Variants in RINT1 observed in about 807,000 individuals in gnomAD.
RINT1 encodes RAD50-interacting protein 1.
In RINT1, 75 loss-of-function variants were observed where a neutral mutation model predicts 97.7. The ratio of observed to expected loss-of-function variants is 0.77; its 90% CI spans 0.64 to 0.93. The LOEUF is 0.93. RINT1 is among the 40% of genes least tolerant of loss of function. The probability of loss-of-function intolerance (pLI) is 0.00; values close to 1 mark genes in which losing one functional copy is unlikely to be tolerated. For synonymous variants in RINT1, 303 were observed against 326.3 expected, an observed-to-expected ratio of 0.93 and a Z score of 0.77; for missense variants, 892 against 925.2, an observed-to-expected ratio of 0.96 and a Z score of 0.47.
At chr7:105,555,411 T>A in intron 11 of RINT1, 184 bp downstream of exon 11, 1 of 474,518 alleles carries the variant, frequency 2.1e-6, no homozygotes, top group Non-Finnish European at 3.7e-6. Context: ...AGTTAAATAG[T>A]CCTGATATTT....
intron 6 of RINT1, 94 bp downstream of exon 6, chr7:105,547,427 A>G (rs1790716364): frequency 1.2e-5 from 15 of 1,251,570 alleles, no homozygotes; most frequent in Non-Finnish European, 1.7e-5. Flanking sequence ...TGGCCAAGAA[A>G]GCCAAATAAG....
At chr7:105,565,218 TA>T in intron 12 of RINT1, 58 bp from the exon 13 acceptor site, 2 of 1,499,718 alleles carry the variant, frequency 1.3e-6, no homozygotes, top group South Asian at 2.5e-5. Context: ...TAAAATGATT[TA>T]AAAACTTGAA....
At chr7:105,544,033 G>A (rs1790563435) in intron 4 of RINT1, among the ~76,000 whole-genome samples, 1 of 151,938 alleles carries the variant, frequency 6.6e-6, no homozygotes, top group Admixed American at 6.6e-5. Context: ...TCGGGAGGCA[G>A]AGGTTGCAGT....
At position 105,552,698 on chromosome 7, in the gene RINT1, G is replaced by T. The variant is rs1790985402; in HGVS notation, c.1471+991G>T. 1.9e-5 allele frequency among the ~76,000 whole-genome samples: 2 copies of T among 103,528 alleles called. 1 individual carries two copies. The highest frequency in any genetic ancestry group is 6.6e-4 in the South Asian group (2 of 3,042). The allele number at this position is 103,528 out of a possible 152,430, so 67.9% of individuals were successfully genotyped here. A position where few individuals can be genotyped will look rare whatever the true frequency, so the allele number is the denominator to read the frequency against. ...TTTTTTTTTTTTTTTTTTTGAGATG[G>T]AGTCTCACTCTGTCACCCAGGCTGG... On this transcript the variant is annotated intron_variant, in intron 10 of 14. Coordinates refer to ENST00000257700, the MANE Select transcript of RINT1 (RefSeq NM_021930.6).
chr7:105,535,887 C>T (rs544273174), intron 2 of RINT1, among the ~76,000 whole-genome samples: 1 of 152,260 alleles, frequency 6.6e-6, no homozygotes, highest in South Asian at 2.1e-4. Flanking sequence ...TTGCCCTAGA[C>T]CATACTACTG....
intron 7 of RINT1, among the ~76,000 whole-genome samples, chr7:105,549,370 C>T (rs1455631495): frequency 2.0e-5 from 3 of 149,008 alleles, no homozygotes; most frequent in South Asian, 4.3e-4. Context: ...TTTTTTGGAA[C>T]GAAGTTTCAC....
Position 105,542,621 on chromosome 7 carries a change from A to G in RINT1, c.487A>G (p.Lys163Glu), listed in dbSNP as rs1370547057. The G allele has an allele frequency of 4.3e-6, 7 of 1,612,634 alleles. No individual in the cohort carries two copies. In the Middle Eastern group the frequency reaches 5.0e-4, roughly 114 times the overall value. The stretch of plus-strand genomic sequence containing the variant: ...GATCGAACGTCATCTTGCTTACCTT[A>G]AATGGATTTCACAAATTGAAGAACT... ...EEIERHLAYL[K>E]WISQIEELSD... Residue 163 changes from lysine (K) to glutamate (E), a missense_variant, in exon 4 of 15, where the codon AAA (lysine) becomes GAA (glutamate). Transcript: ENST00000257700.
rs748950664 is a variant in RINT1 at position 105,536,769 on chromosome 7, GA to G, written c.273+23del. On this transcript the variant is annotated intron_variant, in intron 3 of 14. Transcript: ENST00000257700. ...GAACAGGTAAGTATTGAAACTCACTGAAATAATTATCAGTGGAATACTTTTA... is the reference window on the plus strand; with the variant it reads ...GAACAGGTAAGTATTGAAACTCACTGAATAATTATCAGTGGAATACTTTTA... The G allele has an allele frequency of 1.4e-6, 2 of 1,453,404 alleles. No individual in the cohort carries two copies. The highest frequency in any genetic ancestry group is 1.9e-6 in the Non-Finnish European group (2 of 1,073,558). 90.0% of individuals were successfully genotyped at this position (1,453,404 alleles called of 1,614,324 possible).
At position 105,551,275 on chromosome 7, in the gene RINT1, C is replaced by T. The variant is rs78788117; in HGVS notation, c.1334-295C>T. Among the ~76,000 whole-genome samples the T allele has an allele frequency of 9.4e-3, 1,431 of 152,228 alleles. 15 individuals carry two copies. Among genetic ancestry groups the T allele is most frequent in the African/African-American group, 0.033 (1,376 of 41,524 alleles). On this transcript the variant is annotated intron_variant, in intron 9 of 14. Coordinates refer to ENST00000257700, the MANE Select transcript of RINT1 (RefSeq NM_021930.6). The stretch of plus-strand genomic sequence containing the variant: ...TGTGAACTCCTAGACTCAAGCAATC[C>T]ACCCACCTTGGCCTCCTGGAGTGCT...
In RINT1 at chr7:105,536,719, G is replaced by A; in HGVS notation, c.243G>A (p.Arg81=). Residue 81 remains arginine, a synonymous_variant, in exon 3 of 15, where the codon AGG becomes AGA. Transcript: ENST00000257700. ...AACTTGATAAACTCATAGAACAGAG[G>A]ACAGTAAGTAAAATGCAGTTAGAAG... ...LKKLDKLIEQ[R]TVSKMQLEEQ... 1 of 1,601,634 alleles carries A rather than the reference G, an allele frequency of 6.2e-7. No individual in the cohort carries two copies. The highest frequency in any genetic ancestry group is 8.5e-7 in the Non-Finnish European group (1 of 1,175,518).
Position 105,560,060 on chromosome 7 carries a change from C to T in RINT1, c.1672-3673C>T, listed in dbSNP as rs186083486. The stretch of plus-strand genomic sequence containing the variant: ...GAGATATGGGAGGTGAGGATTTTAA[C>T]TTTCTAAAAGGATTAGGCATGGCTG... On this transcript the variant is annotated intron_variant, in intron 11 of 14. Coordinates refer to ENST00000257700, the MANE Select transcript of RINT1 (RefSeq NM_021930.6). 1.5e-4 allele frequency among the ~76,000 whole-genome samples: 23 copies of T among 152,248 alleles called. 1 individual carries two copies. The East Asian group carries it at 4.3e-3, about 28-fold the overall frequency.
At chr7:105,553,785 A>G (rs1791042861) in intron 10 of RINT1, among the ~76,000 whole-genome samples, 2 of 150,080 alleles carry the variant, frequency 1.3e-5, no homozygotes, top group African/African-American at 4.9e-5. Context: ...CTGTGGCGCA[A>G]TCTCGGCTCA....
rs758595162 is a variant in RINT1 at position 105,551,837 on chromosome 7, G to A, written c.1471+130G>A. On this transcript the variant is annotated intron_variant, in intron 10 of 14. Transcript: ENST00000257700. ...TCCTAGCACTTTGAGAGGCTGAGAC[G>A]GGCAGGTTGCTTGAGCCCAGGAGTT... 4.7e-5 allele frequency: 31 copies of A among 653,436 alleles called. No individual in the cohort carries two copies. The highest frequency in any genetic ancestry group is 6.4e-5 in the Non-Finnish European group (27 of 423,402). 40.5% of individuals were successfully genotyped at this position (653,436 alleles called of 1,614,324 possible).
rs761492516 is a variant in RINT1 at position 105,550,242 on chromosome 7, T to C, written c.1108-19T>C. The C allele has an allele frequency of 1.2e-5, 19 of 1,610,432 alleles. No homozygotes were observed. The highest frequency in any genetic ancestry group is 1.4e-5 in the Non-Finnish European group (16 of 1,176,802). On this transcript the variant is annotated intron_variant, in intron 8 of 14. Coordinates refer to ENST00000257700, the MANE Select transcript of RINT1 (RefSeq NM_021930.6). ...GATAACTTTTTATTTACATACCTCA[T>C]GTTTGTGTATTTTTTTAGCTTGAAT...
At position 105,567,639 on chromosome 7, in the gene RINT1, G is replaced by A; in HGVS notation, c.*328G>A. The stretch of plus-strand genomic sequence containing the variant: ...TGCTAATTAAGGGAAATTCTGTTGT[G>A]GATAATCAAACATAGCCAATAAATT... On this transcript the variant is annotated 3_prime_UTR_variant, in exon 15 of 15. Coordinates refer to ENST00000257700, the MANE Select transcript of RINT1 (RefSeq NM_021930.6). The A allele has an allele frequency of 3.7e-6, 2 of 538,142 alleles. No homozygotes were observed. Among genetic ancestry groups the A allele is most frequent in the South Asian group, 2.9e-5 (1 of 34,868 alleles). The allele number at this position is 538,142 out of a possible 1,614,324, so 33.3% of individuals were successfully genotyped here.
In RINT1 at chr7:105,542,487, A is replaced by G. The variant is rs778180822; in HGVS notation, c.353A>G (p.Asn118Ser). ...GCAGAAGAATCAAAGCAATTTCTTAATCAGTTTCTGGAGCAGGAAACTCAT... is the reference window on the plus strand; with the variant it reads ...GCAGAAGAATCAAAGCAATTTCTTAGTCAGTTTCTGGAGCAGGAAACTCAT... ...KNAEESKQFL[N>S]QFLEQETHLF... The change falls in exon 4 of 15, where the codon AAT becomes AGT. Residue 118 changes from asparagine (N) to serine (S), a missense_variant. Coordinates refer to ENST00000257700, the MANE Select transcript of RINT1 (RefSeq NM_021930.6). The G allele has an allele frequency of 1.9e-6, 3 of 1,614,062 alleles. No homozygotes were observed. In the South Asian group the frequency reaches 3.3e-5, roughly 18 times the overall value.
rs1060503048 is a variant in RINT1, at chr7:105,565,588, C to T, written c.2126C>T (p.Thr709Ile). 1.9e-6 allele frequency: 3 copies of T among 1,613,966 alleles called. No individual in the cohort carries two copies. The highest frequency in any genetic ancestry group is 2.5e-6 in the Non-Finnish European group (3 of 1,179,922). The change falls in exon 14 of 15, where the codon ACT becomes ATT. Residue 709 changes from threonine to isoleucine, a missense_variant. Transcript: ENST00000257700. Reference sequence around the variant, plus strand: ...GCAGCCCAGCTGCAGTTTGATATGACTCGGAATCTTTTCCCTTTGTTTTCT... The same window carrying T: ...GCAGCCCAGCTGCAGTTTGATATGATTCGGAATCTTTTCCCTTTGTTTTCT... ...GGAAQLQFDM[T>I]RNLFPLFSHY...
intron 4 of RINT1, among the ~76,000 whole-genome samples, chr7:105,544,401 C>T (rs962055928): frequency 6.6e-6 from 1 of 151,054 alleles, no homozygotes; most frequent in Non-Finnish European, 1.5e-5. Flanking sequence ...CTTTTTTCTT[C>T]TTTTTTTTAA....
chr7:105,533,656 G>A (rs1586211509), intron 2 of RINT1, among the ~76,000 whole-genome samples: 1 of 152,180 alleles, frequency 6.6e-6, no homozygotes, highest in Admixed American at 6.6e-5. Flanking sequence ...CTTAACATTA[G>A]CGGCTGATAG....
Sources: gnomAD v4.1 joint callset for allele counts (sites outside exome capture counted in the v4.1 genomes callset) on GRCh38, gnomAD v4.1.1 for gene constraint, MANE v1.5 for transcripts, NCBI Gene and HGNC (gene_info 2026-07-23, HGNC 2026-07-21) for gene names.